Variants in DNAJC15 observed in about 807,000 individuals in gnomAD.
DNAJC15 encodes DnaJ heat shock protein family (Hsp40) member C15.
In DNAJC15, 27 loss-of-function variants were observed where a neutral mutation model predicts 22.4. The observed-to-expected ratio is 1.20, with a 90% CI of 0.89 to 1.66. The LOEUF (loss-of-function observed/expected upper bound fraction) is 1.66. DNAJC15 is among the 40% of genes most tolerant of loss of function. The probability of loss-of-function intolerance (pLI) is 0.00; values close to 1 mark genes in which losing one functional copy is unlikely to be tolerated. For missense variants in DNAJC15, 208 were observed against 187.1 expected, an observed-to-expected ratio of 1.11 and a Z score of -0.65; for synonymous variants, 79 against 63.2, an observed-to-expected ratio of 1.25 and a Z score of -1.19.
At chr13:43,060,265 G>A (rs1443913364) in intron 1 of DNAJC15, among the ~76,000 whole-genome samples, 2 of 152,182 alleles carry the variant, frequency 1.3e-5, no homozygotes, top group Admixed American at 1.3e-4. Context: ...AGATTCAACT[G>A]GAGAAAGATT....
chr13:43,112,614 C>T lies in DNAJC15; in HGVS notation c.*5366C>T, dbSNP rs1378090426. 6.6e-6 allele frequency: 1 copy of T among 152,196 alleles called. No homozygotes were observed. Among genetic ancestry groups the T allele is most frequent in the East Asian group, 1.9e-4 (1 of 5,200 alleles). 9.4% of individuals were successfully genotyped at this position (152,196 alleles called of 1,614,324 possible). A position where few individuals can be genotyped will look rare whatever the true frequency, so the allele number is the denominator to read the frequency against. On this transcript the variant is annotated 3_prime_UTR_variant, in exon 6 of 6. Transcript: ENST00000379221. ...TAATAATATTAGCTAACGTTTAGTACCTGTGCCAAACATTCTACCTATGTT... is the reference window on the plus strand; with the variant it reads ...TAATAATATTAGCTAACGTTTAGTATCTGTGCCAAACATTCTACCTATGTT...
chr13:43,035,036 C>CT (rs2040423080), intron 1 of DNAJC15, among the ~76,000 whole-genome samples: 1 of 152,206 alleles, frequency 6.6e-6, no homozygotes, highest in African/African-American at 2.4e-5. Context: ...ATTCCTTTAT[C>CT]TTTTCCCTAT....
At chr13:43,083,166 T>TC (rs1210188694) in intron 4 of DNAJC15, among the ~76,000 whole-genome samples, 1 of 152,012 alleles carries the variant, frequency 6.6e-6, no homozygotes, top group East Asian at 1.9e-4. Flanking sequence ...AATCCTAATT[T>TC]CTTTTTTTTG....
chr13:43,092,978 A>G (rs1270234688), intron 5 of DNAJC15, among the ~76,000 whole-genome samples: 1 of 152,246 alleles, frequency 6.6e-6, no homozygotes, highest in Non-Finnish European at 1.5e-5. Context: ...TTGACTTACT[A>G]CAGTCTGAAA....
chr13:43,091,112 T>A (rs2040712792), intron 5 of DNAJC15, among the ~76,000 whole-genome samples: 1 of 152,132 alleles, frequency 6.6e-6, no homozygotes, highest in Non-Finnish European at 1.5e-5. Context: ...TGAGACAGAA[T>A]CTCACTCTGT....
At chr13:43,098,667 A>C (rs897244261) in intron 5 of DNAJC15, among the ~76,000 whole-genome samples, 1 of 152,158 alleles carries the variant, frequency 6.6e-6, no homozygotes, top group Non-Finnish European at 1.5e-5. Flanking sequence ...CAATTTTGGA[A>C]CATTTTGATC....
intron 5 of DNAJC15, among the ~76,000 whole-genome samples, chr13:43,095,859 G>C (rs1260415235): frequency 6.6e-6 from 1 of 152,108 alleles, no homozygotes; most frequent in Non-Finnish European, 1.5e-5. Flanking sequence ...GTTTTAATTG[G>C]TGCAGGGCTA....
At chr13:43,096,231 A>C (rs1267494769) in intron 5 of DNAJC15, among the ~76,000 whole-genome samples, 1 of 152,188 alleles carries the variant, frequency 6.6e-6, no homozygotes, top group Non-Finnish European at 1.5e-5. Flanking sequence ...CATGTATTTG[A>C]TCTCAAGGCC....
At chr13:43,067,127 G>A (rs548487980) in intron 2 of DNAJC15, among the ~76,000 whole-genome samples, 4 of 152,306 alleles carry the variant, frequency 2.6e-5, no homozygotes, top group African/African-American at 9.6e-5. Flanking sequence ...AGGCAGAGCT[G>A]CATTCCATTT....
At chr13:43,086,641 C>G (rs2040690116) in intron 5 of DNAJC15, among the ~76,000 whole-genome samples, 1 of 152,110 alleles carries the variant, frequency 6.6e-6, no homozygotes, top group South Asian at 2.1e-4. Flanking sequence ...AAGTTTTTTT[C>G]GCTAAGCATC....
At chr13:43,029,877 C>G (rs995720450) in intron 1 of DNAJC15, among the ~76,000 whole-genome samples, 2 of 152,144 alleles carry the variant, frequency 1.3e-5, no homozygotes, top group Non-Finnish European at 2.9e-5. Flanking sequence ...CATGGTTGCT[C>G]TGCCTCATAA....
rs146680373 is a variant in DNAJC15 at position 43,056,586 on chromosome 13, C to G, written c.109-9100C>G. Among the ~76,000 whole-genome samples the G allele has an allele frequency of 3.0e-4, 46 of 152,258 alleles. No homozygotes were observed. The East Asian group carries it at 7.7e-3, about 26-fold the overall frequency. On this transcript the variant is annotated intron_variant, in intron 1 of 5. Coordinates refer to ENST00000379221, the MANE Select transcript of DNAJC15 (RefSeq NM_013238.3). ...AGTCCACTGTTTCTTTGTTGACTTT[C>G]TGTCTTGATAACCTGTCTAGTGCTG...
intron 5 of DNAJC15, among the ~76,000 whole-genome samples, chr13:43,088,669 A>G (rs997843077): frequency 1.3e-5 from 2 of 152,190 alleles, no homozygotes; most frequent in Admixed American, 6.5e-5. Flanking sequence ...GATTTTCTCT[A>G]ATTATTCTCA....
rs571524243 is a variant in DNAJC15 at position 43,085,620 on chromosome 13, G to A, written c.312-148G>A. ...TCAATGATTTATTTTGATGGTTAGT[G>A]GAATTAAGTGGAAAGCTGTAGTTTC... On this transcript the variant is annotated intron_variant, in intron 4 of 5. Transcript: ENST00000379221. The A allele has an allele frequency of 5.1e-6, 3 of 593,012 alleles. No individual in the cohort carries two copies. The South Asian group carries it at 7.0e-5, about 14-fold the overall frequency. 36.7% of individuals were successfully genotyped at this position (593,012 alleles called of 1,614,324 possible). A position where few individuals can be genotyped will look rare whatever the true frequency, so the allele number is the denominator to read the frequency against.
rs1206480966 is a variant in DNAJC15, at chr13:43,113,458, AG to A, written c.*6211del. 6.6e-6 allele frequency: 1 copy of A among 150,710 alleles called. No homozygotes were observed. The highest frequency in any genetic ancestry group is 1.5e-5 in the Non-Finnish European group (1 of 68,034). The allele number at this position is 150,710 out of a possible 1,614,324, so 9.3% of individuals were successfully genotyped here. ...TGTCTGGTGGAGTCAATGGAACTTT[AG>A]TTACCAGTCTAAGAATGTGTCTTTG... On this transcript the variant is annotated 3_prime_UTR_variant, in exon 6 of 6. Coordinates refer to ENST00000379221, the MANE Select transcript of DNAJC15 (RefSeq NM_013238.3).
rs376479803 is a variant in DNAJC15, at chr13:43,047,003, T to C, written c.109-18683T>C. Reference sequence around the variant, plus strand: ...TCCATGACCCACAGCTTCTAATAGCTATAATACTCACCACATGGCCCAAGG... The same window carrying C: ...TCCATGACCCACAGCTTCTAATAGCCATAATACTCACCACATGGCCCAAGG... On this transcript the variant is annotated intron_variant, in intron 1 of 5. Coordinates refer to ENST00000379221, the MANE Select transcript of DNAJC15 (RefSeq NM_013238.3). Among the ~76,000 whole-genome samples, 70 of 152,262 alleles carry C rather than the reference T, an allele frequency of 4.6e-4. No individual in the cohort carries two copies. The South Asian group carries it at 0.013, about 28-fold the overall frequency.
At chr13:43,058,587 C>T (rs1470399676) in intron 1 of DNAJC15, among the ~76,000 whole-genome samples, 1 of 152,132 alleles carries the variant, frequency 6.6e-6, no homozygotes, top group Non-Finnish European at 1.5e-5. Flanking sequence ...CTGCATGCTG[C>T]ATCTTCTGTG....
intron 5 of DNAJC15, among the ~76,000 whole-genome samples, chr13:43,104,693 C>CTT (rs67240740): frequency 7.3e-5 from 10 of 136,634 alleles, no homozygotes; most frequent in African/African-American, 1.6e-4. Context: ...CTTTTCTTTT[C>CTT]TTTTTTTTTT....
At chr13:43,097,636 A>AG (rs1382993434) in intron 5 of DNAJC15, among the ~76,000 whole-genome samples, 1 of 151,688 alleles carries the variant, frequency 6.6e-6, no homozygotes, top group East Asian at 2.0e-4. Flanking sequence ...GAGGAGGTAA[A>AG]GGGGAAAAAA....
Sources: gnomAD v4.1 joint callset for allele counts (sites outside exome capture counted in the v4.1 genomes callset) on GRCh38, gnomAD v4.1.1 for gene constraint, MANE v1.5 for transcripts, NCBI Gene and HGNC (gene_info 2026-07-23, HGNC 2026-07-21) for gene names.